FER1L5: variants seen among roughly 807,000 people sequenced by gnomAD.
FER1L5 encodes fer-1-like protein 5.
FER1L5 carries 187 observed loss-of-function variants against 279.9 expected under a neutral mutation model. The ratio of observed to expected loss-of-function variants is 0.67; its 90% CI spans 0.59 to 0.75. The LOEUF (loss-of-function observed/expected upper bound fraction) is 0.75, where lower values mean the gene tolerates loss of function less well. FER1L5 is among the 30% of genes least tolerant of loss of function. The probability of loss-of-function intolerance (pLI) is 0.00; values close to 1 mark genes in which losing one functional copy is unlikely to be tolerated. For synonymous variants in FER1L5, 921 were observed against 989.7 expected (o/e 0.93, Z 1.30); for missense variants, 2,091 against 2,594.4 (o/e 0.81, Z 4.21).
intron 8 of FER1L5, 56 bp from the exon 9 acceptor site, chr2:96,654,390 G>T (rs1020427823): frequency 5.0e-5 from 20 of 398,592 alleles, no homozygotes; most frequent in Non-Finnish European, 4.0e-5. Context: ...TCTTACAGGG[G>T]CTGAGGGAAA....
chr2:96,696,148 GT>G, intron 37 of FER1L5, 71 bp downstream of exon 37: 1 of 1,596,400 alleles, frequency 6.3e-7, no homozygotes, highest in Non-Finnish European at 8.5e-7. Context: ...CTAAGGAGGG[GT>G]GTCCATTAAA....
chr2:96,699,602 C>G lies in FER1L5; in HGVS notation c.4663C>G (p.Leu1555Val). 1 of 1,614,002 alleles carries G rather than the reference C, an allele frequency of 6.2e-7. No homozygotes were observed. The highest frequency in any genetic ancestry group is 8.5e-7 in the Non-Finnish European group (1 of 1,179,894). Residue 1555 changes from leucine to valine, a missense_variant, in exon 43 of 53, where the codon CTC (leucine) becomes GTC (valine). Coordinates refer to ENST00000624922, the MANE Select transcript of FER1L5 (RefSeq NM_001293083.2). ...IPLEKDLEIQ[L>V]YDFDLFSPDD... is the part of the protein sequence containing the mutation. ...CCTGGAGAAGGACCTAGAGATCCAGCTCTATGACTTCGACCTATTTTCACC... is the reference window on the plus strand; with the variant it reads ...CCTGGAGAAGGACCTAGAGATCCAGGTCTATGACTTCGACCTATTTTCACC...
chr2:96,668,672 C>T (rs2076214575), intron 14 of FER1L5, 79 bp from the exon 15 acceptor site: 1 of 1,514,628 alleles, frequency 6.6e-7, no homozygotes, highest in African/African-American at 1.4e-5. Flanking sequence ...CCCGCGACTC[C>T]CTACCTGTTC....
At chr2:96,693,201 G>A (rs1456973691) in intron 31 of FER1L5, among the ~76,000 whole-genome samples, 6 of 151,606 alleles carry the variant, frequency 4.0e-5, no homozygotes, top group Non-Finnish European at 8.8e-5. Flanking sequence ...AAAAAAAAAG[G>A]GCAGTCACAA....
rs576771580 is a variant in FER1L5, at chr2:96,694,332, G to C, written c.3637-28G>C. 1 of 1,530,406 alleles carries C rather than the reference G, an allele frequency of 6.5e-7. No individual in the cohort carries two copies. The highest frequency in any genetic ancestry group is 8.8e-7 in the Non-Finnish European group (1 of 1,135,264). 94.8% of individuals were successfully genotyped at this position (1,530,406 alleles called of 1,614,324 possible). On this transcript the variant is annotated intron_variant, in intron 33 of 52. Coordinates refer to ENST00000624922, the MANE Select transcript of FER1L5 (RefSeq NM_001293083.2). The surrounding 1 kb of genome is among the most constrained non-coding windows in gnomAD (Gnocchi z 4.6). ...GTGAGGGCAGCAGGACCAGCCCAGA[G>C]GGCCTCATGCTCCCTGCCCTCCCCC...
In FER1L5 at chr2:96,702,956, C is replaced by T. The variant is rs779967681; in HGVS notation, c.5398-22C>T. ...ACGTCCAGGAGACAGGCCGGTAACA[C>T]GCCCTTCCGCCATTTCCCCAGGATT... is the stretch of plus-strand genomic sequence containing the variant. On this transcript the variant is annotated intron_variant, in intron 48 of 52. Transcript: ENST00000624922. This position sits in a 1 kb window ranked among gnomAD's most constrained non-coding sequence, Gnocchi z 4.0. 16 of 1,600,934 alleles carry T rather than the reference C, an allele frequency of 1.0e-5. No homozygotes were observed. Among genetic ancestry groups the T allele is most frequent in the African/African-American group, 1.3e-5 (1 of 74,614 alleles).
rs1481147397 is a variant in FER1L5, at chr2:96,686,307, A to G, written c.2186A>G (p.His729Arg). 1.3e-6 allele frequency: 2 copies of G among 1,551,336 alleles called. No homozygotes were observed. Among genetic ancestry groups the G allele is most frequent in the African/African-American group, 2.7e-5 (2 of 73,008 alleles). ...CTCTTCTCCCCGGCAGGGGCTCTGCACTCCGGCAGGCTCTGTGGGAAGATA... is the reference window on the plus strand; with the variant it reads ...CTCTTCTCCCCGGCAGGGGCTCTGCGCTCCGGCAGGCTCTGTGGGAAGATA... ...SVLFSPAGALHSGRLCGKIQT... is the reference protein window; with the variant it reads ...SVLFSPAGALRSGRLCGKIQT... Residue 729 changes from histidine to arginine, a missense_variant, in exon 23 of 53, where the codon CAC becomes CGC. His to Arg is a conservative substitution (Grantham distance 29). Coordinates refer to ENST00000624922, the MANE Select transcript of FER1L5 (RefSeq NM_001293083.2).
In FER1L5 at chr2:96,661,338, A is replaced by G. The variant is rs1466517559; in HGVS notation, c.792A>G (p.Leu264=). The G allele has an allele frequency of 1.3e-6, 2 of 1,550,078 alleles. No homozygotes were observed. The highest frequency in any genetic ancestry group is 1.7e-4 in the Middle Eastern group (1 of 5,976). ...FIYHSPGHTL[L]RKWLGLCQPN... ...CTGCCTCTCTAGGTCACACACTCCTAAGGAAATGGCTAGGCCTCTGCCAGC... is the reference window on the plus strand; with the variant it reads ...CTGCCTCTCTAGGTCACACACTCCTGAGGAAATGGCTAGGCCTCTGCCAGC... Residue 264 remains leucine (L), a synonymous_variant, in exon 11 of 53, where the codon CTA becomes CTG. Coordinates refer to ENST00000624922, the MANE Select transcript of FER1L5 (RefSeq NM_001293083.2).
intron 9 of FER1L5, among the ~76,000 whole-genome samples, chr2:96,656,197 A>G (rs1372399582): frequency 1.3e-5 from 2 of 152,222 alleles, no homozygotes; most frequent in Non-Finnish European, 2.9e-5. Flanking sequence ...TTCAGTATGT[A>G]TTGCAAAAAC....
Position 96,691,411 on chromosome 2 carries a change from C to A in FER1L5, c.2908-34C>A. ...GCGGGCAGGGCCGCCTTGGCTGCTG[C>A]AGGAACACAACCCTGCTCTCCTCCC... On this transcript the variant is annotated intron_variant, in intron 28 of 52. Coordinates refer to ENST00000624922, the MANE Select transcript of FER1L5 (RefSeq NM_001293083.2). The surrounding 1 kb of genome is among the most constrained non-coding windows in gnomAD (Gnocchi z 6.0). The A allele has an allele frequency of 6.5e-7, 1 of 1,534,704 alleles. No individual in the cohort carries two copies. Among genetic ancestry groups the A allele is most frequent in the South Asian group, 1.2e-5 (1 of 82,588 alleles).
At chr2:96,660,225 G>A (rs1462917752) in intron 9 of FER1L5, 116 bp from the exon 10 acceptor site, 4 of 1,019,780 alleles carry the variant, frequency 3.9e-6, no homozygotes, top group Non-Finnish European at 6.0e-6. Context: ...GATGAAAGGA[G>A]TTAGGGCAGA....
chr2:96,704,074 C>G (rs888453006), intron 51 of FER1L5, 141 bp from the exon 52 acceptor site: 7 of 1,059,058 alleles, frequency 6.6e-6, no homozygotes, highest in Non-Finnish European at 9.3e-6. Flanking sequence ...CCTCGGCCTC[C>G]CAAAATGCTG....
chr2:96,668,720 ACCCAC>A, intron 14 of FER1L5, 26 bp from the exon 15 acceptor site: 3 of 1,551,018 alleles, frequency 1.9e-6, no homozygotes, highest in Non-Finnish European at 2.6e-6. Flanking sequence ...CCCAATGTGT[ACCCAC>A]CGCACCTCTC....
chr2:96,664,459 T>C (rs2076061127), intron 14 of FER1L5, among the ~76,000 whole-genome samples: 1 of 152,244 alleles, frequency 6.6e-6, no homozygotes, highest in African/African-American at 2.4e-5. Flanking sequence ...CCCTTATTTG[T>C]CTGACTTCTT....
At chr2:96,647,957 C>A in intron 4 of FER1L5, 71 bp downstream of exon 4, 2 of 1,221,372 alleles carry the variant, frequency 1.6e-6, no homozygotes, top group Non-Finnish European at 2.4e-6. Context: ...GCGGCCCACA[C>A]CACAAGAGTG....
rs750341048 is a variant in FER1L5 at position 96,671,106 on chromosome 2, C to CAAAAAAAAAAAAAAAAAAAAAAA, written c.1491+881_1491+882insAAAAAAAAAAAAAAAAAAAAAAA. On this transcript the variant is annotated intron_variant, in intron 18 of 52. Transcript: ENST00000624922. The stretch of plus-strand genomic sequence containing the variant: ...TGGGTGACAGAGTGAGACTCCATCT[C>CAAAAAAAAAAAAAAAAAAAAAAA]AAAAAAAAAAAAAAAAAAAAAAGGA... 2.2e-4 allele frequency among the ~76,000 whole-genome samples: 9 copies of CAAAAAAAAAAAAAAAAAAAAAAA among 40,216 alleles called. 1 individual carries two copies. Among genetic ancestry groups the CAAAAAAAAAAAAAAAAAAAAAAA allele is most frequent in the East Asian group, 8.6e-4 (1 of 1,166 alleles). 26.4% of individuals were successfully genotyped at this position (40,216 alleles called of 152,430 possible).
chr2:96,649,567 G>T (rs2075280451), intron 4 of FER1L5, 56 bp from the exon 5 acceptor site: 5 of 1,525,530 alleles, frequency 3.3e-6, no homozygotes, highest in Non-Finnish European at 4.4e-6. Context: ...GGGCTTGGGT[G>T]CTGTGTCCAA....
At position 96,659,335 on chromosome 2, in the gene FER1L5, T is replaced by TTCCTTCCTTCCTTCCGTCCG. The variant is rs1558853078; in HGVS notation, c.748-991_748-990insGTCCGTCCTTCCTTCCTTCC. On this transcript the variant is annotated intron_variant, in intron 9 of 52. Coordinates refer to ENST00000624922, the MANE Select transcript of FER1L5 (RefSeq NM_001293083.2). The stretch of plus-strand genomic sequence containing the variant: ...CTTCCTTCCTTCCTTCCTTCCTTCC[T>TTCCTTCCTTCCTTCCGTCCG]TCCTTCCTTCCTTCCTTCCTTCCTT... 2.4e-5 allele frequency among the ~76,000 whole-genome samples: 2 copies of TTCCTTCCTTCCTTCCGTCCG among 83,342 alleles called. 1 individual carries two copies. Among genetic ancestry groups the TTCCTTCCTTCCTTCCGTCCG allele is most frequent in the African/African-American group, 9.5e-5 (2 of 21,078 alleles). The allele number at this position is 83,342 out of a possible 152,430, so 54.7% of individuals were successfully genotyped here.
chr2:96,665,214 G>C (rs1220681170), intron 14 of FER1L5, among the ~76,000 whole-genome samples: 2 of 152,174 alleles, frequency 1.3e-5, no homozygotes, highest in Non-Finnish European at 2.9e-5. Context: ...AGGCACACAG[G>C]AATTTGTGTG....
Sources: gnomAD v4.1 joint callset for allele counts (sites outside exome capture counted in the v4.1 genomes callset) on GRCh38, gnomAD v4.1.1 for gene constraint, Gnocchi (gnomAD v3.1) non-coding constraint, MANE v1.5 for transcripts, NCBI Gene and HGNC (gene_info 2026-07-23, HGNC 2026-07-21) for gene names.